Variants in PRR5L observed in about 807,000 individuals in gnomAD.
PRR5L encodes the protein proline rich 5 like.
In PRR5L, 21 loss-of-function variants were observed where a neutral mutation model predicts 36.4. The ratio of observed to expected loss-of-function variants is 0.58; its 90% CI spans 0.41 to 0.83. PRR5L has a LOEUF of 0.83. Among genes scored for constraint, PRR5L ranks in the 40% least tolerant of loss-of-function variants. The pLI is 0.00. For missense variants in PRR5L, 381 were observed against 473.3 expected (o/e 0.80, Z 1.81); for synonymous variants, 188 against 197.0 (o/e 0.95, Z 0.38).
chr11:36,355,406 G>A (rs1857015393), intron 1 of PRR5L, among the ~76,000 whole-genome samples: 1 of 152,184 alleles, frequency 6.6e-6, no homozygotes, highest in African/African-American at 2.4e-5. Context: ...CCAAGACTCT[G>A]TGAACTAGTT....
rs775976935 is a variant in PRR5L, at chr11:36,446,319, G to A, written c.464G>A (p.Arg155His). ...CTCTAGGGCCAGGAGCTGACTATCC[G>A]CCAGATCTCCCTGCTGGGCTTCCGA... ...YPVQGQELTI[R>H]QISLLGFRDL... The change falls in exon 7 of 9, where the codon CGC (arginine) becomes CAC (histidine). Residue 155 changes from arginine (R) to histidine (H), a missense_variant. By Grantham distance (29) the Arg-to-His change is conservative (BLOSUM62 0). Coordinates refer to ENST00000530639, the MANE Select transcript of PRR5L (RefSeq NM_001160167.2). The A allele has an allele frequency of 6.2e-6, 10 of 1,613,688 alleles. No homozygotes were observed. The highest frequency in any genetic ancestry group is 2.2e-5 in the East Asian group (1 of 44,892).
At chr11:36,407,019 T>C (rs1332525888) in intron 3 of PRR5L, among the ~76,000 whole-genome samples, 1 of 152,212 alleles carries the variant, frequency 6.6e-6, no homozygotes, top group East Asian at 1.9e-4. Flanking sequence ...ATTGAGATAA[T>C]GCTAAAAGCA....
At chr11:36,309,496 C>A (rs1017140771) in intron 1 of PRR5L, among the ~76,000 whole-genome samples, 1 of 151,844 alleles carries the variant, frequency 6.6e-6, no homozygotes, top group Non-Finnish European at 1.5e-5. Context: ...CTATGGTTTT[C>A]AAACTGTACA....
chr11:36,310,808 C>T (rs913992728), intron 1 of PRR5L, among the ~76,000 whole-genome samples: 6 of 151,950 alleles, frequency 3.9e-5, no homozygotes, highest in Non-Finnish European at 5.9e-5. Flanking sequence ...ACCATCCTGG[C>T]GAACATGGTG....
intron 1 of PRR5L, among the ~76,000 whole-genome samples, chr11:36,391,540 A>G (rs1590524124): frequency 6.7e-6 from 1 of 149,452 alleles, no homozygotes; most frequent in East Asian, 1.9e-4. Flanking sequence ...AGATAACTGA[A>G]GTTAACCCTT....
At chr11:36,401,743 GTTT>G (rs899857562) in intron 2 of PRR5L, among the ~76,000 whole-genome samples, 1 of 152,096 alleles carries the variant, frequency 6.6e-6, no homozygotes, top group African/African-American at 2.4e-5. Flanking sequence ...AAGAGAGCAA[GTTT>G]TTTTTAATAT....
At chr11:36,322,770 G>A (rs1438284065) in intron 1 of PRR5L, among the ~76,000 whole-genome samples, 4 of 152,076 alleles carry the variant, frequency 2.6e-5, no homozygotes, top group Admixed American at 6.5e-5. Context: ...CAAAAGATAC[G>A]GTGAAGACCT....
chr11:36,375,724 A>G (rs890631750), intron 1 of PRR5L, among the ~76,000 whole-genome samples: 1 of 152,178 alleles, frequency 6.6e-6, no homozygotes, highest in Non-Finnish European at 1.5e-5. Context: ...TTTCAAAATA[A>G]TTATGCATTA....
Position 36,462,545 on chromosome 11 carries a change from A to T in PRR5L, c.916A>T (p.Thr306Ser). The stretch of plus-strand genomic sequence containing the variant: ...GGACATCCAGCTGCTGGCCATGGCC[A>T]CCATGATGCACTCGGGCCTGGGGGA... Reference protein sequence around the residue: ...HSDIQLLAMATMMHSGLGEEA... With the variant: ...HSDIQLLAMASMMHSGLGEEA... Residue 306 changes from threonine (T) to serine (S), a missense_variant, in exon 9 of 9, where the codon ACC (threonine) becomes TCC (serine). Thr to Ser is a moderately conservative substitution (Grantham distance 58). Coordinates refer to ENST00000530639, the MANE Select transcript of PRR5L (RefSeq NM_001160167.2). 6.2e-7 allele frequency: 1 copy of T among 1,610,638 alleles called. No individual in the cohort carries two copies. The highest frequency in any genetic ancestry group is 8.5e-7 in the Non-Finnish European group (1 of 1,178,208).
intron 1 of PRR5L, among the ~76,000 whole-genome samples, chr11:36,309,243 T>C (rs1856469437): frequency 6.6e-6 from 1 of 152,194 alleles, no homozygotes. Context: ...TTCTGACCTA[T>C]TCTCACCAAA....
chr11:36,461,722 G>A (rs147030205), intron 8 of PRR5L, among the ~76,000 whole-genome samples: 2 of 152,288 alleles, frequency 1.3e-5, no homozygotes, highest in African/African-American at 4.8e-5. Context: ...CTTTGATGAT[G>A]CTAAAGGCTG....
At chr11:36,317,062 G>A (rs1856564786) in intron 1 of PRR5L, among the ~76,000 whole-genome samples, 2 of 152,174 alleles carry the variant, frequency 1.3e-5, no homozygotes. Context: ...GCTCTGAATG[G>A]GAAACTGGAG....
At chr11:36,336,810 T>A (rs1856773434) in intron 1 of PRR5L, among the ~76,000 whole-genome samples, 1 of 152,168 alleles carries the variant, frequency 6.6e-6, no homozygotes, top group African/African-American at 2.4e-5. Flanking sequence ...CATAGTTTTC[T>A]AAACTGCATA....
chr11:36,351,238 TTA>T (rs1259562202), intron 1 of PRR5L, among the ~76,000 whole-genome samples: 2 of 85,298 alleles, frequency 2.3e-5, no homozygotes, highest in African/African-American at 9.8e-5. Context: ...TTATATATAT[TTA>T]TATATATTTT....
intron 3 of PRR5L, among the ~76,000 whole-genome samples, chr11:36,407,175 GC>G (rs1297211358): frequency 6.4e-5 from 9 of 139,852 alleles, no homozygotes; most frequent in Non-Finnish European, 1.1e-4. Context: ...GTGATGAATT[GC>G]CCCATGAATA....
At chr11:36,433,775 C>G (rs1858549243) in intron 5 of PRR5L, among the ~76,000 whole-genome samples, 2 of 152,186 alleles carry the variant, frequency 1.3e-5, no homozygotes, top group Admixed American at 1.3e-4. Context: ...GACTCCTGAC[C>G]TCAAATGATC....
rs1381769581 is a variant in PRR5L at position 36,431,716 on chromosome 11, G to T, written c.295-137G>T. On this transcript the variant is annotated intron_variant, in intron 4 of 8. Coordinates refer to ENST00000530639, the MANE Select transcript of PRR5L (RefSeq NM_001160167.2). ...CCTTAACCTTCCAAGAGGAAAAAAG[G>T]CTTCTTAAACTCCGAGGCACGGCTA... 5.8e-6 allele frequency: 4 copies of T among 686,074 alleles called. No individual in the cohort carries two copies. The East Asian group carries it at 7.9e-5, about 14-fold the overall frequency. 42.5% of individuals were successfully genotyped at this position (686,074 alleles called of 1,614,324 possible). A position where few individuals can be genotyped will look rare whatever the true frequency, so the allele number is the denominator to read the frequency against.
At chr11:36,425,112 G>A (rs946736983) in intron 4 of PRR5L, among the ~76,000 whole-genome samples, 2 of 152,098 alleles carry the variant, frequency 1.3e-5, no homozygotes, top group African/African-American at 2.4e-5. Flanking sequence ...GTGAGCCACC[G>A]CCCCCAGCCA....
chr11:36,349,267 G>C (rs370340772), intron 1 of PRR5L, among the ~76,000 whole-genome samples: 385 of 120,936 alleles, frequency 3.2e-3, no homozygotes, highest in Non-Finnish European at 4.9e-3. Context: ...CTGGGTGACA[G>C]CAAGACTCTG....
Sources: gnomAD v4.1 joint callset for allele counts (sites outside exome capture counted in the v4.1 genomes callset) on GRCh38, gnomAD v4.1.1 for gene constraint, MANE v1.5 for transcripts, NCBI Gene and HGNC (gene_info 2026-07-23, HGNC 2026-07-21) for gene names.